SLC2A13: variants seen among roughly 807,000 people sequenced by gnomAD.
SLC2A13 encodes proton myo-inositol cotransporter.
Under a neutral mutation model 64.4 loss-of-function variants are expected in SLC2A13, and 32 were observed. The observed-to-expected ratio is 0.50, with a 90% CI of 0.37 to 0.67. The LOEUF is 0.67. Among genes scored for constraint, SLC2A13 ranks in the 30% least tolerant of loss-of-function variants. The pLI, the probability that SLC2A13 is intolerant of heterozygous loss-of-function variation, is 0.00. For missense variants in SLC2A13, 743 were observed against 829.2 expected, an observed-to-expected ratio of 0.90 and a Z score of 1.28; for synonymous variants, 338 against 327.1, an observed-to-expected ratio of 1.03 and a Z score of -0.36.
At chr12:39,908,807 T>G (rs1454956491) in intron 4 of SLC2A13, among the ~76,000 whole-genome samples, 1 of 151,932 alleles carries the variant, frequency 6.6e-6, no homozygotes, top group Non-Finnish European at 1.5e-5. Context: ...GTTTGGTATT[T>G]GGGAGGACCA....
intron 3 of SLC2A13, among the ~76,000 whole-genome samples, chr12:40,026,123 T>C (rs1947801069): frequency 6.6e-6 from 1 of 152,252 alleles, no homozygotes; most frequent in South Asian, 2.1e-4. Context: ...AATAATGCTC[T>C]TAACTGCGTA....
intron 4 of SLC2A13, among the ~76,000 whole-genome samples, chr12:39,891,283 A>G (rs1944602264): frequency 1.3e-5 from 2 of 151,496 alleles, no homozygotes; most frequent in Non-Finnish European, 2.9e-5. Flanking sequence ...GCACTGTGTG[A>G]TAACTGCTTC....
At chr12:40,081,991 G>A (rs774197973) in intron 1 of SLC2A13, among the ~76,000 whole-genome samples, 7 of 152,258 alleles carry the variant, frequency 4.6e-5, no homozygotes, top group South Asian at 4.1e-4. Flanking sequence ...TCTAACCCTG[G>A]GGACCTGGGA....
intron 3 of SLC2A13, among the ~76,000 whole-genome samples, chr12:39,967,289 A>G (rs1946536670): frequency 6.6e-6 from 1 of 152,218 alleles, no homozygotes; most frequent in Non-Finnish European, 1.5e-5. Context: ...AAAGATGTAG[A>G]CACAATCCTA....
intron 4 of SLC2A13, among the ~76,000 whole-genome samples, chr12:39,888,834 T>A (rs1944530605): frequency 6.6e-6 from 1 of 152,208 alleles, no homozygotes; most frequent in Non-Finnish European, 1.5e-5. Flanking sequence ...AACTCTATAT[T>A]GTGACACATA....
At chr12:39,821,229 C>T (rs933407987) in intron 7 of SLC2A13, among the ~76,000 whole-genome samples, 1 of 151,954 alleles carries the variant, frequency 6.6e-6, no homozygotes. Flanking sequence ...CTGGCTAACA[C>T]GGTGAAACCC....
chr12:39,933,849 TATCA>T (rs1446243281), intron 4 of SLC2A13, among the ~76,000 whole-genome samples: 1 of 152,166 alleles, frequency 6.6e-6, no homozygotes, highest in African/African-American at 2.4e-5. Flanking sequence ...CCCTGAAAAG[TATCA>T]TGCCATCTAC....
intron 3 of SLC2A13, among the ~76,000 whole-genome samples, chr12:40,026,751 T>C (rs1389946114): frequency 6.6e-6 from 1 of 152,198 alleles, no homozygotes; most frequent in Non-Finnish European, 1.5e-5. Flanking sequence ...ACATAATTTG[T>C]ACATAACTTT....
chr12:40,060,078 C>CGGAT (rs1458585869), intron 1 of SLC2A13, among the ~76,000 whole-genome samples: 4 of 151,392 alleles, frequency 2.6e-5, no homozygotes, highest in African/African-American at 4.9e-5. Flanking sequence ...TATTAATGGA[C>CGGAT]GGATGGATGG....
intron 3 of SLC2A13, among the ~76,000 whole-genome samples, chr12:39,955,606 C>T (rs563170860): frequency 6.6e-5 from 10 of 152,052 alleles, no homozygotes; most frequent in Admixed American, 1.3e-4. Context: ...ACATCCTAAT[C>T]CCTGAAACCT....
intron 4 of SLC2A13, among the ~76,000 whole-genome samples, chr12:39,900,615 G>A (rs996185603): frequency 2.0e-5 from 3 of 152,022 alleles, no homozygotes; most frequent in Non-Finnish European, 4.4e-5. Flanking sequence ...AAAATACCTA[G>A]GAATCCAACT....
intron 9 of SLC2A13, among the ~76,000 whole-genome samples, chr12:39,761,998 G>A (rs1309139528): frequency 6.6e-6 from 1 of 152,098 alleles, no homozygotes; most frequent in African/African-American, 2.4e-5. Flanking sequence ...TCCTGAAGTT[G>A]ATTACAGATT....
intron 5 of SLC2A13, among the ~76,000 whole-genome samples, chr12:39,865,638 A>C (rs1251710926): frequency 2.0e-5 from 3 of 152,210 alleles, no homozygotes; most frequent in Non-Finnish European, 2.9e-5. Context: ...TGTGAGGGTA[A>C]ACGAAAAGGG....
intron 4 of SLC2A13, among the ~76,000 whole-genome samples, chr12:39,895,516 A>T (rs11174173): frequency 3.3e-3 from 4 of 1,222 alleles, no homozygotes; most frequent in Non-Finnish European, 5.1e-3. Context: ...AAAAAAAATT[A>T]TATATATATA....
intron 3 of SLC2A13, among the ~76,000 whole-genome samples, chr12:40,004,372 C>A (rs544425665): frequency 1.3e-5 from 2 of 152,114 alleles, no homozygotes; most frequent in East Asian, 3.9e-4. Flanking sequence ...TTAGTAGAGA[C>A]AGGATTTCAC....
At chr12:39,858,364 T>G (rs1031977851) in intron 6 of SLC2A13, among the ~76,000 whole-genome samples, 7 of 152,168 alleles carry the variant, frequency 4.6e-5, no homozygotes, top group African/African-American at 1.7e-4. Context: ...ACTGTAGCAT[T>G]ATTAATAGTA....
intron 1 of SLC2A13, among the ~76,000 whole-genome samples, chr12:40,073,547 T>C (rs934489293): frequency 2.6e-5 from 4 of 152,110 alleles, no homozygotes; most frequent in African/African-American, 9.7e-5. Context: ...TTCTGACATA[T>C]CATTTTTTAC....
intron 2 of SLC2A13, among the ~76,000 whole-genome samples, chr12:40,031,107 C>T (rs1189356154): frequency 6.6e-6 from 1 of 152,136 alleles, no homozygotes; most frequent in Non-Finnish European, 1.5e-5. Flanking sequence ...TGAAGAAATG[C>T]AATACACAAG....
chr12:39,896,141 C>T (rs1307357744), intron 4 of SLC2A13, among the ~76,000 whole-genome samples: 2 of 141,372 alleles, frequency 1.4e-5, no homozygotes, highest in Admixed American at 7.1e-5. Context: ...TACACGTGTA[C>T]CTATATATGT....
Sources: allele counts gnomAD v4.1 joint callset (sites outside exome capture counted in the v4.1 genomes callset), GRCh38; gene constraint gnomAD v4.1.1; transcripts MANE v1.5; gene names NCBI Gene and HGNC (gene_info 2026-07-23, HGNC 2026-07-21).